ZFP91: variants seen among roughly 807,000 people sequenced by gnomAD.
ZFP91 encodes E3 ubiquitin-protein ligase ZFP91.
Under a neutral mutation model 63.5 loss-of-function variants are expected in ZFP91, and 7 were observed. The ratio of observed to expected loss-of-function variants is 0.11; its 90% CI spans 0.06 to 0.21. The LOEUF (loss-of-function observed/expected upper bound fraction) is 0.21. Ranked by LOEUF, ZFP91 falls within the 10% of genes least tolerant of loss-of-function variation. The probability of loss-of-function intolerance (pLI) is 1.00; values close to 1 mark genes in which losing one functional copy is unlikely to be tolerated. For synonymous variants in ZFP91, 330 were observed against 272.1 expected (o/e 1.21, Z -2.10); for missense variants, 628 against 736.6 (o/e 0.85, Z 1.71).
chr11:58,602,508 AT>A (rs1435861387), intron 2 of ZFP91, among the ~76,000 whole-genome samples: 1 of 151,982 alleles, frequency 6.6e-6, no homozygotes, highest in East Asian at 1.9e-4. Context: ...TATTTATTAT[AT>A]TTTCTAGATT....
At position 58,617,481 on chromosome 11, in the gene ZFP91, T is replaced by C. The variant is rs1384872743; in HGVS notation, c.1488T>C (p.Pro496=). 1 of 1,614,162 alleles carries C rather than the reference T, an allele frequency of 6.2e-7. No individual in the cohort carries two copies. Among genetic ancestry groups the C allele is most frequent in the Non-Finnish European group, 8.5e-7 (1 of 1,180,002 alleles). ...PSDGQGLPLL[P]EPLGNSTSGE... is the part of the protein sequence containing the mutation. ...ATGGTCAGGGTCTTCCTCTTCTTCC[T>C]GAGCCCTTGGGAAACTCAACCTCTG... Residue 496 remains proline (P), a synonymous_variant, in exon 11 of 11, where the codon CCT becomes CCC. Transcript: ENST00000316059. This position sits in a 1 kb window ranked among gnomAD's most constrained non-coding sequence, Gnocchi z 4.2.
intron 2 of ZFP91, among the ~76,000 whole-genome samples, chr11:58,588,053 TACCTA>T (rs1307813134): frequency 6.6e-6 from 1 of 152,174 alleles, no homozygotes; most frequent in Admixed American, 6.5e-5. Flanking sequence ...TTGCAGCGAT[TACCTA>T]ACCTATTTGA....
chr11:58,618,027 C>T lies in ZFP91; in HGVS notation c.*321C>T, dbSNP rs557545839. On this transcript the variant is annotated 3_prime_UTR_variant, in exon 11 of 11. Coordinates refer to ENST00000316059, the MANE Select transcript of ZFP91 (RefSeq NM_053023.5). ...ACTTCCTGCTCATCGGCAGATCCCC[C>T]TTTCCAACCTGTAACTCTGATGTGC... 20 of 235,508 alleles carry T rather than the reference C, an allele frequency of 8.5e-5. No homozygotes were observed. Among genetic ancestry groups the T allele is most frequent in the African/African-American group, 4.3e-4 (19 of 44,622 alleles). The allele number at this position is 235,508 out of a possible 1,614,324, so 14.6% of individuals were successfully genotyped here. A position where few individuals can be genotyped will look rare whatever the true frequency, so the allele number is the denominator to read the frequency against.
intron 2 of ZFP91, among the ~76,000 whole-genome samples, chr11:58,593,140 A>G (rs1265069181): frequency 1.3e-5 from 2 of 152,210 alleles, no homozygotes; most frequent in African/African-American, 2.4e-5. Context: ...AAGAGGACAA[A>G]CATCCAAACT....
intron 2 of ZFP91, among the ~76,000 whole-genome samples, chr11:58,591,218 G>A (rs376025385): frequency 9.2e-5 from 14 of 152,076 alleles, no homozygotes; most frequent in East Asian, 3.9e-4. Context: ...TACATAAATG[G>A]GATAATACAG....
At position 58,579,206 on chromosome 11, in the gene ZFP91, CGG is replaced by C; in HGVS notation, c.-71_-70del. ...CCGCAGGCTTCGGGAGGCGAGGGGG[CGG>C]GGGGAGCAGCGCCGAGGCCGCCGCC... On this transcript the variant is annotated 5_prime_UTR_variant, in exon 1 of 11. Transcript: ENST00000316059. 1 of 1,093,714 alleles carries C rather than the reference CGG, an allele frequency of 9.1e-7. No homozygotes were observed. 67.8% of individuals were successfully genotyped at this position (1,093,714 alleles called of 1,614,324 possible).
Position 58,617,325 on chromosome 11 carries a change from C to T in ZFP91, c.1332C>T (p.Ser444=), listed in dbSNP as rs146879816. Residue 444 remains serine (S), a synonymous_variant, in exon 11 of 11, where the codon AGC becomes AGT. Transcript: ENST00000316059. The surrounding 1 kb of genome is among the most constrained non-coding windows in gnomAD (Gnocchi z 4.2). ...ICGKKFEKKD[S]VVAHKAKSHP... ...GCAAAAAATTTGAGAAGAAGGACAG[C>T]GTAGTGGCACACAAGGCAAAAAGCC... is the stretch of plus-strand genomic sequence containing the variant. 1.9e-5 allele frequency: 31 copies of T among 1,613,918 alleles called. No homozygotes were observed. In the African/African-American group the frequency reaches 3.1e-4, roughly 16 times the overall value.
At chr11:58,587,528 G>A (rs1195567264) in intron 2 of ZFP91, among the ~76,000 whole-genome samples, 1 of 152,154 alleles carries the variant, frequency 6.6e-6, no homozygotes, top group Non-Finnish European at 1.5e-5. Flanking sequence ...TGAAAGCTTA[G>A]TTTACCACTG....
intron 1 of ZFP91, among the ~76,000 whole-genome samples, chr11:58,580,130 C>A (rs892705357): frequency 6.6e-6 from 1 of 150,490 alleles, no homozygotes; most frequent in South Asian, 2.1e-4. Context: ...TTTTCGCAAC[C>A]CTTCTCATTC....
intron 1 of ZFP91, among the ~76,000 whole-genome samples, chr11:58,582,643 T>G (rs1855138004): frequency 6.6e-6 from 1 of 152,216 alleles, no homozygotes; most frequent in Admixed American, 6.5e-5. Context: ...TCAGAAAGTT[T>G]TATGTTCCAG....
intron 7 of ZFP91, 172 bp downstream of exon 7, chr11:58,612,500 A>G: frequency 1.5e-6 from 1 of 674,982 alleles, no homozygotes; most frequent in Non-Finnish European, 2.5e-6. Context: ...TCATTGTAAG[A>G]GCTTGAAATT....
chr11:58,585,076 A>G (rs1276634644), intron 2 of ZFP91, among the ~76,000 whole-genome samples, 192 bp downstream of exon 2: 1 of 152,202 alleles, frequency 6.6e-6, no homozygotes, highest in Non-Finnish European at 1.5e-5. Flanking sequence ...TTAGAAACCT[A>G]ATAAAGGCAA....
At chr11:58,585,783 A>G (rs1003099742) in intron 2 of ZFP91, among the ~76,000 whole-genome samples, 1 of 152,210 alleles carries the variant, frequency 6.6e-6, no homozygotes, top group African/African-American at 2.4e-5. Context: ...TTGATAAATA[A>G]TTCTTCGAGA....
In ZFP91 at chr11:58,609,871, C is replaced by T. The variant is rs1855628813; in HGVS notation, c.412C>T (p.Pro138Ser). 1.9e-6 allele frequency: 3 copies of T among 1,614,028 alleles called. No homozygotes were observed. Among genetic ancestry groups the T allele is most frequent in the South Asian group, 1.1e-5 (1 of 91,090 alleles). The change falls in exon 3 of 11, where the codon CCT becomes TCT. Residue 138 changes from proline (P) to serine (S), a missense_variant. Physicochemically the swap from Pro to Ser is moderately conservative, Grantham distance 74. This residue lies in a region of ZFP91 where 437 missense variants were observed against 380.3 expected (regional missense o/e 1.15). Transcript: ENST00000316059. ...AGAGGAAGAAGACGATTCTGCCCTC[C>T]CTCAGGAAGTTTCCATTGCTGCATC... ...EKEEEDDSAL[P>S]QEVSIAASRP...
intron 7 of ZFP91, 184 bp downstream of exon 7, chr11:58,612,512 C>G (rs1855682973): frequency 3.1e-6 from 2 of 654,494 alleles, no homozygotes; most frequent in Non-Finnish European, 5.2e-6. Context: ...CTTGAAATTT[C>G]TAACAATCTT....
chr11:58,598,907 T>A lies in ZFP91; in HGVS notation c.371-10923T>A, dbSNP rs118040096. On this transcript the variant is annotated intron_variant, in intron 2 of 10. Transcript: ENST00000316059. Reference sequence around the variant, plus strand: ...ATCACTTCTATCTAGTTCCAAACATTTTCATCACCACCAACAAAGGAGACC... The same window carrying A: ...ATCACTTCTATCTAGTTCCAAACATATTCATCACCACCAACAAAGGAGACC... 3.2e-3 allele frequency among the ~76,000 whole-genome samples: 480 copies of A among 152,128 alleles called. 22 individuals carry two copies. In the East Asian group the frequency reaches 0.085, roughly 27 times the overall value.
intron 1 of ZFP91, among the ~76,000 whole-genome samples, chr11:58,581,839 T>C (rs1855122610): frequency 6.6e-6 from 1 of 151,980 alleles, no homozygotes; most frequent in South Asian, 2.1e-4. Flanking sequence ...CTTCCTTTTT[T>C]CTGCACAATG....
intron 2 of ZFP91, 39 bp downstream of exon 2, chr11:58,584,923 C>T: frequency 1.4e-6 from 2 of 1,419,686 alleles, no homozygotes; most frequent in Non-Finnish European, 1.9e-6. Context: ...GTACATTACA[C>T]TGATTATCTT....
At chr11:58,598,669 T>G (rs1435727271) in intron 2 of ZFP91, among the ~76,000 whole-genome samples, 1 of 151,958 alleles carries the variant, frequency 6.6e-6, no homozygotes, top group Non-Finnish European at 1.5e-5. Context: ...TCCTATCTGT[T>G]TATGATTGTT....
Sources: gnomAD v4.1 joint callset for allele counts (sites outside exome capture counted in the v4.1 genomes callset) on GRCh38, gnomAD v4.1.1 for gene constraint, gnomAD v4.1.1 regional missense constraint, Gnocchi (gnomAD v3.1) non-coding constraint, MANE v1.5 for transcripts, NCBI Gene and HGNC (gene_info 2026-07-23, HGNC 2026-07-21) for gene names.